Variants in ADCY9 observed in about 807,000 individuals in gnomAD.
ADCY9 encodes the protein adenylate cyclase type 9.
In ADCY9, 50 loss-of-function variants were observed where a neutral mutation model predicts 101.5. The observed-to-expected ratio is 0.49, with a 90% confidence interval of 0.39 to 0.62. ADCY9 has a LOEUF of 0.62. ADCY9 is among the 20% of genes least tolerant of loss of function. The pLI is 0.00. For missense variants in ADCY9, 1,662 were observed against 1,800.4 expected (o/e 0.92, Z 1.39); for synonymous variants, 905 against 769.3 (o/e 1.18, Z -2.92).
intron 2 of ADCY9, among the ~76,000 whole-genome samples, chr16:4,103,458 A>T (rs894164824): frequency 3.9e-5 from 6 of 152,326 alleles, no homozygotes; most frequent in African/African-American, 1.4e-4. Flanking sequence ...ATGCAGGGAA[A>T]CCAAACTGCA....
At position 4,116,386 on chromosome 16, in the gene ADCY9, A is replaced by T. The variant is rs1205142657; in HGVS notation, c.-740T>A. Among the ~76,000 whole-genome samples the T allele has an allele frequency of 6.9e-6, 1 of 144,686 alleles. No individual in the cohort carries two copies. The highest frequency in any genetic ancestry group is 6.8e-5 in the Admixed American group (1 of 14,670). 94.9% of individuals were successfully genotyped at this position (144,686 alleles called of 152,430 possible). A position where few individuals can be genotyped will look rare whatever the true frequency, so the allele number is the denominator to read the frequency against. ...CCGTGTCCCCCGCGGCCGCTGCCTCATGTCGGAAGAGCTGCCGCCGCCACC... is the reference window on the plus strand; with the variant it reads ...CCGTGTCCCCCGCGGCCGCTGCCTCTTGTCGGAAGAGCTGCCGCCGCCACC... On this transcript the variant is annotated 5_prime_UTR_variant, in exon 1 of 11. The change abolishes an upstream ATG in the 5' untranslated region. Coordinates refer to ENST00000294016, the MANE Select transcript of ADCY9 (RefSeq NM_001116.4).
At position 4,026,362 on chromosome 16, in the gene ADCY9, T is replaced by A. The variant is rs559383894; in HGVS notation, c.1694-18804A>T. Among the ~76,000 whole-genome samples the A allele has an allele frequency of 2.1e-5, 3 of 145,232 alleles. No homozygotes were observed. In the South Asian group the frequency reaches 6.5e-4, roughly 31 times the overall value. ...CTACTTGAACCCGGGAGGCGGACAT[T>A]GCAGTGAGCTGAGATCACGCCATTG... On this transcript the variant is annotated intron_variant, in intron 2 of 10. Transcript: ENST00000294016.
At chr16:3,999,714 T>C (rs1355468993) in intron 3 of ADCY9, among the ~76,000 whole-genome samples, 2 of 152,212 alleles carry the variant, frequency 1.3e-5, no homozygotes, top group South Asian at 4.1e-4. Context: ...AAGAGCAAAC[T>C]CTGCATTTTT....
intron 2 of ADCY9, among the ~76,000 whole-genome samples, chr16:4,085,903 T>C (rs1337337340): frequency 6.6e-6 from 1 of 151,556 alleles, no homozygotes; most frequent in Non-Finnish European, 1.5e-5. Flanking sequence ...GGATGACCAG[T>C]GGGTGCTGGT....
rs538204420 is a variant in ADCY9 at position 3,993,297 on chromosome 16, C to T, written c.1989+109G>A. The stretch of plus-strand genomic sequence containing the variant: ...GACCCGCGGGTGCGGAGTGCTGTTA[C>T]CCAAGAGGAGTTACTCTCAGAACTA... On this transcript the variant is annotated intron_variant, in intron 4 of 10. Transcript: ENST00000294016. The T allele has an allele frequency of 6.2e-5, 95 of 1,528,988 alleles. No homozygotes were observed. The African/African-American group carries it at 1.3e-3, about 20-fold the overall frequency. The allele number at this position is 1,528,988 out of a possible 1,614,324, so 94.7% of individuals were successfully genotyped here. A position where few individuals can be genotyped will look rare whatever the true frequency, so the allele number is the denominator to read the frequency against.
intron 2 of ADCY9, among the ~76,000 whole-genome samples, chr16:4,040,773 T>C (rs1321259374): frequency 6.6e-6 from 1 of 152,208 alleles, no homozygotes; most frequent in African/African-American, 2.4e-5. Context: ...AAGGAGTGTC[T>C]ACTGAGTATA....
chr16:4,115,477 C>T lies in ADCY9; in HGVS notation c.-35G>A. On this transcript the variant is annotated 5_prime_UTR_variant, in exon 2 of 11. Transcript: ENST00000294016. The surrounding 1 kb of genome is among the most constrained non-coding windows in gnomAD (Gnocchi z 6.2). ...TCCCGGGGCCTGCCCCGGCCGGGGT[C>T]ACCAGTACCTGCCAGCAAAACGGGG... 6 of 1,494,260 alleles carry T rather than the reference C, an allele frequency of 4.0e-6. No homozygotes were observed. In the African/African-American group the frequency reaches 7.0e-5, roughly 17 times the overall value. The allele number at this position is 1,494,260 out of a possible 1,614,324, so 92.6% of individuals were successfully genotyped here.
rs2057005624 is a variant in ADCY9 at position 4,096,635 on chromosome 16, C to A, written c.1693+17115G>T. 2.6e-5 allele frequency among the ~76,000 whole-genome samples: 4 copies of A among 152,158 alleles called. No homozygotes were observed. The South Asian group carries it at 8.3e-4, about 31-fold the overall frequency. ...ATTTATGAAGTTCCAGAATGCGATG[C>A]AATCCACACTTTAAATAGTAACACA... On this transcript the variant is annotated intron_variant, in intron 2 of 10. Transcript: ENST00000294016.
At chr16:4,056,341 G>A (rs915703393) in intron 2 of ADCY9, among the ~76,000 whole-genome samples, 10 of 152,030 alleles carry the variant, frequency 6.6e-5, no homozygotes, top group Non-Finnish European at 1.2e-4. Flanking sequence ...TGTAACCTCC[G>A]CTCCCGGGCT....
intron 2 of ADCY9, among the ~76,000 whole-genome samples, chr16:4,053,369 A>C (rs1171871610): frequency 6.6e-6 from 1 of 152,238 alleles, no homozygotes; most frequent in African/African-American, 2.4e-5. Context: ...GTGCTTTCAC[A>C]GTCGTTTTTT....
chr16:3,977,598 A>C lies in ADCY9; in HGVS notation c.2712T>G (p.Ile904Met). Residue 904 changes from isoleucine to methionine, a missense_variant, in exon 9 of 11, where the codon ATT becomes ATG. By Grantham distance (10) the Ile-to-Met change is conservative. Around this residue, in one of 5 missense-constraint regions of ADCY9, gnomAD observed 624 missense variants for 639.1 expected, o/e 0.98. Coordinates refer to ENST00000294016, the MANE Select transcript of ADCY9 (RefSeq NM_001116.4). ...FPVFTGSAAL[I>M]AVVHYCNFCQ... Reference sequence around the variant, plus strand: ...AGAAGTTACAGTAGTGCACGACGGCAATCAGCGCGGCCGAGCCTGTGAACA... The same window carrying C: ...AGAAGTTACAGTAGTGCACGACGGCCATCAGCGCGGCCGAGCCTGTGAACA... The C allele has an allele frequency of 3.7e-6, 6 of 1,612,684 alleles. No individual in the cohort carries two copies. Among genetic ancestry groups the C allele is most frequent in the Non-Finnish European group, 5.1e-6 (6 of 1,179,768 alleles).
intron 10 of ADCY9, among the ~76,000 whole-genome samples, chr16:3,972,170 C>T (rs1485516840): frequency 1.3e-5 from 2 of 151,934 alleles, no homozygotes; most frequent in South Asian, 2.1e-4. Context: ...ACAAAGGAGC[C>T]GATCCTATTC....
At chr16:4,076,363 C>T (rs551413977) in intron 2 of ADCY9, among the ~76,000 whole-genome samples, 212 of 152,336 alleles carry the variant, frequency 1.4e-3, no homozygotes, top group African/African-American at 5.0e-3. Context: ...ACTCCTTCCA[C>T]TTAAAAATTC....
intron 5 of ADCY9, among the ~76,000 whole-genome samples, chr16:3,956,506 G>C (rs866251737): frequency 0.05 from 542 of 10,900 alleles, 1 homozygote; most frequent in Non-Finnish European, 0.12. Flanking sequence ...TTTTTTTTGG[G>C]GGGGGATGGA....
chr16:4,095,379 G>A (rs763727548), intron 2 of ADCY9, among the ~76,000 whole-genome samples: 6 of 148,972 alleles, frequency 4.0e-5, no homozygotes, highest in East Asian at 4.6e-4. Flanking sequence ...GGACTAACAC[G>A]TCCCCTTGCA....
At chr16:3,981,976 A>AG (rs2056147446) in intron 7 of ADCY9, 1 of 152,252 alleles carries the variant, frequency 6.6e-6, no homozygotes, top group Admixed American at 6.5e-5. Flanking sequence ...GTTCTGGGGA[A>AG]GTGGACCCTG....
At chr16:3,989,804 G>A (rs944478856) in intron 5 of ADCY9, among the ~76,000 whole-genome samples, 1 of 152,198 alleles carries the variant, frequency 6.6e-6, no homozygotes, top group Non-Finnish European at 1.5e-5. Context: ...GGATTTGGAG[G>A]CTTCAAACGA....
chr16:4,069,115 A>G (rs2056817812), intron 2 of ADCY9, among the ~76,000 whole-genome samples: 1 of 152,178 alleles, frequency 6.6e-6, no homozygotes, highest in African/African-American at 2.4e-5. Context: ...AATGTCCTCA[A>G]AAAGGTTTCT....
At chr16:3,993,751 A>AAC (rs1348762329) in intron 3 of ADCY9, among the ~76,000 whole-genome samples, 1 of 152,210 alleles carries the variant, frequency 6.6e-6, no homozygotes, top group Admixed American at 6.5e-5. Context: ...TCACTGACTG[A>AAC]ACAATGGATC....
Sources: allele counts gnomAD v4.1 joint callset (sites outside exome capture counted in the v4.1 genomes callset), GRCh38; gene constraint gnomAD v4.1.1; regional missense constraint gnomAD v4.1.1; non-coding constraint Gnocchi (gnomAD v3.1); transcripts MANE v1.5; gene names NCBI Gene and HGNC (gene_info 2026-07-23, HGNC 2026-07-21).